EIF4E2: variants seen among roughly 807,000 people sequenced by gnomAD.
EIF4E2 encodes the protein eukaryotic translation initiation factor 4E type 2.
Under a neutral mutation model 34.2 loss-of-function variants are expected in EIF4E2, and 13 were observed. The observed-to-expected ratio is 0.38, with a 90% CI of 0.25 to 0.60. The LOEUF (loss-of-function observed/expected upper bound fraction) is 0.60, where lower values mean the gene tolerates loss of function less well. Ranked by LOEUF, EIF4E2 falls within the 20% of genes least tolerant of loss-of-function variation. EIF4E2 has a pLI of 0.62. For missense variants in EIF4E2, 222 were observed against 315.1 expected (o/e 0.70, Z 2.24); for synonymous variants, 100 against 106.6 (o/e 0.94, Z 0.38).
downstream of EIF4E2, among the ~76,000 whole-genome samples, chr2:232,573,207 G>T (rs6749955): frequency 0.69 from 105,596 of 152,076 alleles, 37,186 homozygotes; most frequent in South Asian, 0.76. Flanking sequence ...AGGAGCTTTG[G>T]TAATAATTCT....
intron 1 of EIF4E2, among the ~76,000 whole-genome samples, chr2:232,554,842 C>T (rs550202034): frequency 6.6e-6 from 1 of 152,324 alleles, no homozygotes; most frequent in Admixed American, 6.5e-5. Context: ...GCTCCTGAGT[C>T]TATGATCTTT....
rs374564717 is a variant in EIF4E2 at position 232,567,241 on chromosome 2, C to T, written c.665+27C>T. ...TACGTGTTGGGGGGTTATGGGAGGA[C>T]GTGTCCCTAAGCTTAGTATAAGTAG... On this transcript the variant is annotated intron_variant, in intron 6 of 6. Coordinates refer to ENST00000258416, the MANE Select transcript of EIF4E2 (RefSeq NM_004846.4). 188 of 1,613,468 alleles carry T rather than the reference C, an allele frequency of 1.2e-4. No individual in the cohort carries two copies. The African/African-American group carries it at 1.9e-3, about 16-fold the overall frequency.
At chr2:232,574,437 T>C (rs1019392193) in intron 6 of EIF4E2, 8 of 1,291,970 alleles carry the variant, frequency 6.2e-6, no homozygotes, top group Non-Finnish European at 8.7e-6. Context: ...TCTACCAACA[T>C]TGAGCCTCAG....
chr2:232,574,077 G>A (rs1187038587), downstream of EIF4E2: 3 of 724,294 alleles, frequency 4.1e-6, no homozygotes, highest in Non-Finnish European at 7.6e-6. Flanking sequence ...CCCTGAAAGG[G>A]TAGGCTGCTC....
rs1033408017 is a variant in EIF4E2, at chr2:232,566,401, A to G, written c.376-428A>G. The stretch of plus-strand genomic sequence containing the variant: ...GAGACGCGGTTTCACCGTGTCAGCC[A>G]GGATGGTCTCGATCTCCTCACCTCG... On this transcript the variant is annotated intron_variant, in intron 4 of 6. Coordinates refer to ENST00000258416, the MANE Select transcript of EIF4E2 (RefSeq NM_004846.4). The surrounding 1 kb of genome is among the most constrained non-coding windows in gnomAD (Gnocchi z 4.9). Among the ~76,000 whole-genome samples, 5 of 152,220 alleles carry G rather than the reference A, an allele frequency of 3.3e-5. No homozygotes were observed. Among genetic ancestry groups the G allele is most frequent in the Non-Finnish European group, 7.3e-5 (5 of 68,034 alleles).
intron 4 of EIF4E2, among the ~76,000 whole-genome samples, chr2:232,565,705 G>T (rs923700892): frequency 1.3e-5 from 2 of 152,134 alleles, no homozygotes; most frequent in Non-Finnish European, 1.5e-5. Context: ...TTAACATAGT[G>T]TGCATATCTG....
Position 232,567,123 on chromosome 2 carries a change from A to G in EIF4E2, c.574A>G (p.Thr192Ala), listed in dbSNP as rs1692962156. Residue 192 changes from threonine (T) to alanine (A), a missense_variant, in exon 6 of 7, where the codon ACC (threonine) becomes GCC (alanine). This residue lies in a region of EIF4E2 where 105 missense variants were observed against 195.1 expected (regional missense o/e 0.54). Transcript: ENST00000258416. Reference protein sequence around the residue: ...IWNKTASDQATTARIRDTLRR... With the variant: ...IWNKTASDQAATARIRDTLRR... ...GAATAAGACTGCCAGTGACCAAGCAACCACAGCCCGAATCCGGGACACACT... is the reference window on the plus strand; with the variant it reads ...GAATAAGACTGCCAGTGACCAAGCAGCCACAGCCCGAATCCGGGACACACT... 6.2e-7 allele frequency: 1 copy of G among 1,614,078 alleles called. No individual in the cohort carries two copies. The highest frequency in any genetic ancestry group is 8.5e-7 in the Non-Finnish European group (1 of 1,180,052).
In EIF4E2 at chr2:232,567,106, C is replaced by T. The variant is rs1692960985; in HGVS notation, c.557C>T (p.Thr186Ile). 1.9e-6 allele frequency: 3 copies of T among 1,614,140 alleles called. No homozygotes were observed. The highest frequency in any genetic ancestry group is 1.7e-6 in the Non-Finnish European group (2 of 1,180,014). ...GACATTATTTCAATATGGAATAAGA[C>T]TGCCAGTGACCAAGCAACCACAGCC... ...QEDIISIWNK[T>I]ASDQATTARI... Residue 186 changes from threonine to isoleucine, a missense_variant, in exon 6 of 7, where the codon ACT (threonine) becomes ATT (isoleucine). Physicochemically the swap from Thr to Ile is moderately conservative, Grantham distance 89. Coordinates refer to ENST00000258416, the MANE Select transcript of EIF4E2 (RefSeq NM_004846.4).
At chr2:232,582,607 C>T (rs1282892461) in exon 7 of EIF4E2, 1 of 152,150 alleles carries the variant, frequency 6.6e-6, no homozygotes, top group Non-Finnish European at 1.5e-5. Context: ...TCTTTGAAGA[C>T]CCCAGGGAGG....
intron 1 of EIF4E2, among the ~76,000 whole-genome samples, chr2:232,551,771 AT>A: frequency 6.6e-6 from 1 of 152,314 alleles, no homozygotes; most frequent in Non-Finnish European, 1.5e-5. Context: ...GGTGCTTTTG[AT>A]GGGAAATTGG....
At chr2:232,572,393 TCTCA>T (rs1407150348), downstream of EIF4E2, among the ~76,000 whole-genome samples, 33 of 152,274 alleles carry the variant, frequency 2.2e-4, no homozygotes, top group African/African-American at 7.7e-4. Flanking sequence ...TGAGATGGAG[TCTCA>T]CTCTGTCACC....
Position 232,568,874 on chromosome 2 carries a change from C to T in EIF4E2, c.666-71C>T, listed in dbSNP as rs573183934. On this transcript the variant is annotated intron_variant, in intron 6 of 6. Coordinates refer to ENST00000258416, the MANE Select transcript of EIF4E2 (RefSeq NM_004846.4). ...CAGAAGACCAACCCTCTTTGAGACC[C>T]AGATGCTACTTTCCCTTGCGTCCCC... The T allele has an allele frequency of 3.4e-4, 541 of 1,602,250 alleles. 3 individuals are homozygous for T. In the African/African-American group the frequency reaches 6.6e-3, roughly 19 times the overall value.
chr2:232,574,356 A>G (rs768895156), intron 6 of EIF4E2: 68 of 1,549,982 alleles, frequency 4.4e-5, no homozygotes, highest in Non-Finnish European at 5.7e-5. Context: ...GGCCTTGTCT[A>G]TCTTCTCTGT....
chr2:232,574,950 T>G (rs543585428), intron 6 of EIF4E2, among the ~76,000 whole-genome samples: 100 of 152,352 alleles, frequency 6.6e-4, no homozygotes, highest in African/African-American at 2.3e-3. Flanking sequence ...GCATTGACTT[T>G]GGGAATATTT....
intron 6 of EIF4E2, chr2:232,568,024 T>A: frequency 1.0e-6 from 1 of 982,512 alleles, no homozygotes; most frequent in Non-Finnish European, 1.2e-6. Flanking sequence ...TTTGCTTCAG[T>A]TTCTCCATCT....
intron 6 of EIF4E2, among the ~76,000 whole-genome samples, chr2:232,580,670 C>T (rs367788696): frequency 3.9e-5 from 6 of 152,190 alleles, no homozygotes; most frequent in Admixed American, 1.3e-4. Flanking sequence ...CTCTCTTGAT[C>T]GGCATTTGAA....
chr2:232,567,717 G>A (rs1692985079), intron 6 of EIF4E2: 2 of 993,076 alleles, frequency 2.0e-6, no homozygotes, highest in African/African-American at 1.7e-5. Flanking sequence ...TAGTGTGTGT[G>A]TGAGAGAGCA....
intron 3 of EIF4E2, 143 bp from the exon 4 acceptor site, chr2:232,564,104 A>G: frequency 2.2e-6 from 1 of 454,200 alleles, no homozygotes; most frequent in Admixed American, 4.2e-5. Context: ...ACAACACCAC[A>G]CATGAAAATG....
At chr2:232,558,118 T>C in intron 3 of EIF4E2, 100 bp downstream of exon 3, 4 of 1,491,326 alleles carry the variant, frequency 2.7e-6, no homozygotes, top group Non-Finnish European at 3.6e-6. Context: ...TTTAAGATTC[T>C]GGTTTTCTTA....
Sources: gnomAD v4.1 joint callset for allele counts (sites outside exome capture counted in the v4.1 genomes callset) on GRCh38, gnomAD v4.1.1 for gene constraint, gnomAD v4.1.1 regional missense constraint, Gnocchi (gnomAD v3.1) non-coding constraint, MANE v1.5 for transcripts, NCBI Gene and HGNC (gene_info 2026-07-23, HGNC 2026-07-21) for gene names.